Variants in CDH9 observed in about 807,000 individuals in gnomAD.
The protein encoded by CDH9 is cadherin-9.
In CDH9, 28 loss-of-function variants were observed where a neutral mutation model predicts 70.9. The observed-to-expected ratio is 0.40, with a 90% CI of 0.29 to 0.54. The LOEUF is 0.54. Among genes scored for constraint, CDH9 ranks in the 20% least tolerant of loss-of-function variants. The pLI, the probability that CDH9 is intolerant of heterozygous loss-of-function variation, is 0.59. For synonymous variants in CDH9, 409 were observed against 343.1 expected (o/e 1.19, Z -2.12); for missense variants, 874 against 984.4 (o/e 0.89, Z 1.50).
intron 11 of CDH9, among the ~76,000 whole-genome samples, chr5:26,884,106 A>G (rs1037541472): frequency 6.6e-6 from 1 of 152,126 alleles, no homozygotes; most frequent in African/African-American, 2.4e-5. Flanking sequence ...TTAGGCAATG[A>G]GCTGGGAAAG....
At chr5:26,938,733 T>C (rs778916569) in intron 2 of CDH9, among the ~76,000 whole-genome samples, 3 of 152,070 alleles carry the variant, frequency 2.0e-5, no homozygotes, top group Non-Finnish European at 4.4e-5. Context: ...GATCAACAAA[T>C]TGGGGTATAT....
chr5:27,013,855 T>G (rs1000834560), intron 1 of CDH9, among the ~76,000 whole-genome samples: 3 of 152,018 alleles, frequency 2.0e-5, no homozygotes, highest in African/African-American at 7.2e-5. Context: ...ATTCCCATTC[T>G]ATATCCCATA....
intron 2 of CDH9, among the ~76,000 whole-genome samples, chr5:26,945,726 G>A (rs1741741633): frequency 6.6e-6 from 1 of 152,086 alleles, no homozygotes; most frequent in African/African-American, 2.4e-5. Flanking sequence ...TGCTGGGGAA[G>A]AGTTTAGATC....
chr5:26,967,531 T>C (rs1742149329), intron 2 of CDH9, among the ~76,000 whole-genome samples: 1 of 152,218 alleles, frequency 6.6e-6, no homozygotes, highest in South Asian at 2.1e-4. Flanking sequence ...AGAGTATTTA[T>C]GAATGTATTC....
chr5:27,029,288 G>T (rs1321072128), intron 1 of CDH9, among the ~76,000 whole-genome samples: 1 of 152,012 alleles, frequency 6.6e-6, no homozygotes, highest in Non-Finnish European at 1.5e-5. Context: ...CACAGGGTTA[G>T]TTCCTGGTAG....
At chr5:26,942,452 G>T (rs143364709) in intron 2 of CDH9, among the ~76,000 whole-genome samples, 1 of 151,966 alleles carries the variant, frequency 6.6e-6, no homozygotes, top group Middle Eastern at 3.2e-3. Flanking sequence ...CCCTCTTAAC[G>T]GCCCCACATT....
In CDH9 at chr5:26,925,319, A is replaced by T. The variant is rs929245402; in HGVS notation, c.229-9395T>A. Among the ~76,000 whole-genome samples the T allele has an allele frequency of 2.6e-5, 4 of 152,026 alleles. No individual in the cohort carries two copies. The East Asian group carries it at 5.8e-4, about 22-fold the overall frequency. On this transcript the variant is annotated intron_variant, in intron 2 of 11. Coordinates refer to ENST00000231021, the MANE Select transcript of CDH9 (RefSeq NM_016279.4). ...GACCAGTGATGATGAGCATTTTTTCATGTGTCTGTTGGCTGCATAAATGTC... is the reference window on the plus strand; with the variant it reads ...GACCAGTGATGATGAGCATTTTTTCTTGTGTCTGTTGGCTGCATAAATGTC...
intron 7 of CDH9, among the ~76,000 whole-genome samples, chr5:26,901,512 T>C (rs918484138): frequency 1.3e-5 from 2 of 151,950 alleles, no homozygotes; most frequent in East Asian, 3.9e-4. Context: ...TGGTTATATA[T>C]TTAGTATTGT....
rs116735243 is a variant in CDH9, at chr5:26,933,398, G to A, written c.229-17474C>T. On this transcript the variant is annotated intron_variant, in intron 2 of 11. Transcript: ENST00000231021. Reference sequence around the variant, plus strand: ...AAAAGGGAAAGAAGTCAATGAAATCGACAATGAGAGATCATAAAAGGAATC... The same window carrying A: ...AAAAGGGAAAGAAGTCAATGAAATCAACAATGAGAGATCATAAAAGGAATC... Among the ~76,000 whole-genome samples, 293 of 151,734 alleles carry A rather than the reference G, an allele frequency of 1.9e-3. 2 individuals are homozygous for A. Among genetic ancestry groups the A allele is most frequent in the African/African-American group, 6.6e-3 (275 of 41,412 alleles).
chr5:26,943,427 C>G (rs1263160194), intron 2 of CDH9, among the ~76,000 whole-genome samples: 1 of 151,052 alleles, frequency 6.6e-6, no homozygotes, highest in African/African-American at 2.4e-5. Flanking sequence ...GCAGGAGAAT[C>G]GCTTGAACCT....
chr5:27,037,269 T>C (rs1262197228), intron 1 of CDH9, among the ~76,000 whole-genome samples: 1 of 151,880 alleles, frequency 6.6e-6, no homozygotes, highest in African/African-American at 2.4e-5. Context: ...TCATTCTTCA[T>C]GCTAAAAAGA....
At chr5:26,905,234 C>A (rs1239840266) in intron 5 of CDH9, among the ~76,000 whole-genome samples, 4 of 152,034 alleles carry the variant, frequency 2.6e-5, no homozygotes, top group Admixed American at 2.6e-4. Context: ...GAATGGAAAT[C>A]TTTTTCTGCA....
chr5:26,902,817 T>C (rs2111988060), intron 6 of CDH9, 88 bp from the exon 7 acceptor site: 1 of 677,004 alleles, frequency 1.5e-6, no homozygotes, highest in South Asian at 1.9e-5. Flanking sequence ...CCAGCGATCA[T>C]GATTATACCA....
At chr5:26,954,306 T>A (rs1381267338) in intron 2 of CDH9, among the ~76,000 whole-genome samples, 1 of 152,056 alleles carries the variant, frequency 6.6e-6, no homozygotes, top group Non-Finnish European at 1.5e-5. Flanking sequence ...CATGCTTCCT[T>A]CATTTGTGAT....
At chr5:26,960,314 C>G (rs35749742) in intron 2 of CDH9, among the ~76,000 whole-genome samples, 1 of 151,774 alleles carries the variant, frequency 6.6e-6, no homozygotes, top group Non-Finnish European at 1.5e-5. Context: ...GAATTAAATG[C>G]GTAGATAAAA....
At chr5:26,943,457 G>A (rs913896033) in intron 2 of CDH9, among the ~76,000 whole-genome samples, 2 of 150,288 alleles carry the variant, frequency 1.3e-5, no homozygotes, top group African/African-American at 4.9e-5. Flanking sequence ...GGGTTTTGGT[G>A]AGCTGAGATC....
chr5:26,890,637 G>A (rs112654898), intron 7 of CDH9, 73 bp from the exon 8 acceptor site: 5 of 1,039,744 alleles, frequency 4.8e-6, no homozygotes, highest in South Asian at 1.4e-5. Flanking sequence ...TAAAGCTATA[G>A]GTAATTTCCA....
chr5:27,004,306 AAC>A (rs1410252057), intron 1 of CDH9, among the ~76,000 whole-genome samples: 1 of 152,032 alleles, frequency 6.6e-6, no homozygotes, highest in African/African-American at 2.4e-5. Context: ...TCACAGAAGG[AAC>A]AAAAGTGCCC....
intron 4 of CDH9, 100 bp from the exon 5 acceptor site, chr5:26,906,226 A>T: frequency 1.1e-6 from 1 of 914,404 alleles, no homozygotes; most frequent in Non-Finnish European, 1.7e-6. Flanking sequence ...TAACAAACAT[A>T]AAATGTCAGT....
Sources: gnomAD v4.1 joint callset for allele counts (sites outside exome capture counted in the v4.1 genomes callset) on GRCh38, gnomAD v4.1.1 for gene constraint, MANE v1.5 for transcripts, NCBI Gene and HGNC (gene_info 2026-07-23, HGNC 2026-07-21) for gene names.